Variants in CCSER1 observed in about 807,000 individuals in gnomAD.
CCSER1 encodes the protein serine-rich coiled-coil domain-containing protein 1.
CCSER1 carries 41 observed loss-of-function variants against 82.0 expected under a neutral mutation model. The ratio of observed to expected loss-of-function variants is 0.50; its 90% CI spans 0.39 to 0.65. CCSER1 has a LOEUF of 0.65. CCSER1 is among the 30% of genes least tolerant of loss of function. The pLI, the probability that CCSER1 is intolerant of heterozygous loss-of-function variation, is 0.00. For missense variants in CCSER1, 1,119 were observed against 1,064.2 expected, an observed-to-expected ratio of 1.05 and a Z score of -0.72; for synonymous variants, 414 against 383.9, an observed-to-expected ratio of 1.08 and a Z score of -0.92.
Position 91,556,580 on chromosome 4 carries a change from CA to C in CCSER1, c.2218-41988del, listed in dbSNP as rs898567798. On this transcript the variant is annotated intron_variant, in intron 10 of 10. Transcript: ENST00000509176. ...GAAAAAAGGCAAAAAAATGAGTGTT[CA>C]AAACTATCTAGACAGATTATAAATT... Among the ~76,000 whole-genome samples, 35 of 150,814 alleles carry C rather than the reference CA, an allele frequency of 2.3e-4. 1 individual carries two copies. The highest frequency in any genetic ancestry group is 7.5e-4 in the African/African-American group (31 of 41,158).
At position 90,309,010 on chromosome 4, in the gene CCSER1, A is replaced by G; in HGVS notation, c.726A>G (p.Leu242=). The G allele has an allele frequency of 6.2e-7, 1 of 1,613,824 alleles. No homozygotes were observed. Among genetic ancestry groups the G allele is most frequent in the Non-Finnish European group, 8.5e-7 (1 of 1,179,858 alleles). ...VDVTERAGSS[L]QSPLLSADLT... is the part of the protein sequence containing the mutation. Reference sequence around the variant, plus strand: ...TAACAGAACGGGCAGGAAGCTCTTTACAATCTCCTTTGCTTTCTGCTGATC... The same window carrying G: ...TAACAGAACGGGCAGGAAGCTCTTTGCAATCTCCTTTGCTTTCTGCTGATC... Residue 242 remains leucine, a synonymous_variant, in exon 2 of 11, where the codon TTA becomes TTG. Coordinates refer to ENST00000509176, the MANE Select transcript of CCSER1 (RefSeq NM_001145065.2).
intron 3 of CCSER1, among the ~76,000 whole-genome samples, chr4:90,370,982 T>C (rs1432734800): frequency 1.3e-5 from 2 of 152,058 alleles, no homozygotes; most frequent in Non-Finnish European, 2.9e-5. Context: ...GATTTTCTAA[T>C]GCAGCTCATA....
At chr4:91,354,052 T>C (rs190819784) in intron 10 of CCSER1, among the ~76,000 whole-genome samples, 2 of 152,274 alleles carry the variant, frequency 1.3e-5, no homozygotes, top group Admixed American at 1.3e-4. Flanking sequence ...TCTATTTTGA[T>C]AGATAGCATT....
chr4:91,378,358 G>T (rs889190161), intron 10 of CCSER1, among the ~76,000 whole-genome samples: 1 of 152,104 alleles, frequency 6.6e-6, no homozygotes, highest in Non-Finnish European at 1.5e-5. Context: ...CCATTTTCAC[G>T]ATATTGATTC....
chr4:90,366,876 T>C (rs1006948912), intron 3 of CCSER1, among the ~76,000 whole-genome samples: 8 of 151,856 alleles, frequency 5.3e-5, no homozygotes, highest in Non-Finnish European at 7.4e-5. Context: ...AGAGAGATCA[T>C]AGAATTCCCT....
At chr4:90,563,261 G>T (rs1237004685) in intron 5 of CCSER1, among the ~76,000 whole-genome samples, 1 of 151,878 alleles carries the variant, frequency 6.6e-6, no homozygotes. Flanking sequence ...ACAGGTGCCC[G>T]CCACCATGCC....
chr4:90,727,127 A>T, intron 7 of CCSER1: 1 of 408,686 alleles, frequency 2.4e-6, no homozygotes, highest in South Asian at 1.8e-5. Context: ...TTTTACCTTT[A>T]TAAACTATTG....
chr4:90,280,162 T>C (rs1420850661), intron 1 of CCSER1, among the ~76,000 whole-genome samples: 1 of 151,986 alleles, frequency 6.6e-6, no homozygotes, highest in East Asian at 1.9e-4. Context: ...CTAATGAATC[T>C]GATTAAAGTC....
At chr4:91,488,727 A>G (rs2110064226) in intron 10 of CCSER1, among the ~76,000 whole-genome samples, 1 of 152,288 alleles carries the variant, frequency 6.6e-6, no homozygotes, top group East Asian at 1.9e-4. Flanking sequence ...CTTCCTATAC[A>G]GGCTGCAAAA....
chr4:90,755,310 A>G (rs952034197), intron 7 of CCSER1, among the ~76,000 whole-genome samples: 22 of 152,292 alleles, frequency 1.4e-4, no homozygotes, highest in African/African-American at 5.1e-4. Flanking sequence ...TACTGTTGCT[A>G]TAGTTATTGG....
At chr4:91,012,564 G>T (rs370591668) in intron 9 of CCSER1, among the ~76,000 whole-genome samples, 1 of 152,028 alleles carries the variant, frequency 6.6e-6, no homozygotes, top group Non-Finnish European at 1.5e-5. Context: ...CATGGATAGG[G>T]TGTAGTAGGA....
intron 10 of CCSER1, among the ~76,000 whole-genome samples, chr4:91,099,038 A>G (rs773742972): frequency 6.6e-6 from 1 of 152,228 alleles, no homozygotes; most frequent in Non-Finnish European, 1.5e-5. Context: ...AGCCTTGTGC[A>G]TTGAATAAAA....
intron 3 of CCSER1, among the ~76,000 whole-genome samples, chr4:90,369,731 G>A (rs942329870): frequency 6.6e-6 from 1 of 151,806 alleles, no homozygotes; most frequent in Admixed American, 6.6e-5. Context: ...ATTACTTAAG[G>A]CTCTGAAAGT....
chr4:90,621,488 A>C (rs1005846493), intron 5 of CCSER1, among the ~76,000 whole-genome samples: 1 of 150,982 alleles, frequency 6.6e-6, no homozygotes, highest in African/African-American at 2.4e-5. Flanking sequence ...CATCTTTATA[A>C]TGTCCTTTTC....
At chr4:90,508,438 C>T (rs1771017141) in intron 5 of CCSER1, among the ~76,000 whole-genome samples, 1 of 151,912 alleles carries the variant, frequency 6.6e-6, no homozygotes, top group Non-Finnish European at 1.5e-5. Flanking sequence ...TTATCTTGCT[C>T]ACATGAGGTT....
chr4:90,615,517 C>T (rs766411552), intron 5 of CCSER1, among the ~76,000 whole-genome samples: 7 of 152,092 alleles, frequency 4.6e-5, no homozygotes, highest in Non-Finnish European at 1.0e-4. Flanking sequence ...TCATGGATGA[C>T]TTCAAGGGGT....
chr4:91,221,323 C>A lies in CCSER1; in HGVS notation c.2217+135329C>A, dbSNP rs571117259. Among the ~76,000 whole-genome samples the A allele has an allele frequency of 4.6e-5, 7 of 152,122 alleles. No homozygotes were observed. In the South Asian group the frequency reaches 1.0e-3, roughly 23 times the overall value. ...TGCTATTTTACTATAAATATGATTT[C>A]TTTAAATAAGTTATCATGAATTTCC... On this transcript the variant is annotated intron_variant, in intron 10 of 10. Transcript: ENST00000509176.
intron 1 of CCSER1, among the ~76,000 whole-genome samples, chr4:90,158,998 C>G (rs1020197566): frequency 5.3e-5 from 8 of 152,120 alleles, no homozygotes; most frequent in African/African-American, 1.9e-4. Flanking sequence ...TAGACCGGCG[C>G]TGTTCCTATT....
intron 7 of CCSER1, among the ~76,000 whole-genome samples, chr4:90,764,316 G>C (rs1033758214): frequency 3.3e-5 from 5 of 152,090 alleles, no homozygotes; most frequent in African/African-American, 1.2e-4. Context: ...AACAGAATTA[G>C]TTTTGACTGA....
Sources: gnomAD v4.1 joint callset for allele counts (sites outside exome capture counted in the v4.1 genomes callset) on GRCh38, gnomAD v4.1.1 for gene constraint, MANE v1.5 for transcripts, NCBI Gene and HGNC (gene_info 2026-07-23, HGNC 2026-07-21) for gene names.